PPP2R2B: variants seen among roughly 807,000 people sequenced by gnomAD.
The protein encoded by PPP2R2B is protein phosphatase 2 regulatory subunit Bbeta, also known as serine/threonine-protein phosphatase 2A 55 kDa regulatory subunit B beta isoform.
PPP2R2B carries 5 observed loss-of-function variants against 46.0 expected under a neutral mutation model. The observed-to-expected ratio is 0.11, with a 90% CI of 0.06 to 0.23. The LOEUF (loss-of-function observed/expected upper bound fraction) is 0.23. Among genes scored for constraint, PPP2R2B ranks in the 10% least tolerant of loss-of-function variants. The probability of loss-of-function intolerance (pLI) is 1.00; values close to 1 mark genes in which losing one functional copy is unlikely to be tolerated. For missense variants in PPP2R2B, 367 were observed against 575.0 expected, an observed-to-expected ratio of 0.64 and a Z score of 3.70; for synonymous variants, 215 against 206.7, an observed-to-expected ratio of 1.04 and a Z score of -0.34.
At chr5:146,911,511 G>A in intron 1 of PPP2R2B, among the ~76,000 whole-genome samples, 1 of 152,100 alleles carries the variant, frequency 6.6e-6, no homozygotes, top group Non-Finnish European at 1.5e-5. Flanking sequence ...GCTTTGGTTG[G>A]CAATTTATCC....
intron 2 of PPP2R2B, chr5:146,706,836 C>A: frequency 9.9e-7 from 1 of 1,008,160 alleles, no homozygotes; most frequent in Non-Finnish European, 1.6e-6. Context: ...TTGACCTCAG[C>A]GATGATGCTG....
intron 1 of PPP2R2B, among the ~76,000 whole-genome samples, chr5:146,884,734 G>C: frequency 6.6e-6 from 1 of 152,214 alleles, no homozygotes; most frequent in Admixed American, 6.5e-5. Flanking sequence ...GTGCAAGAAA[G>C]TTTTAGTTTA....
Position 146,696,107 on chromosome 5 carries a change from G to GTTT in PPP2R2B, c.334+1869_334+1871dup, listed in dbSNP as rs562284847. On this transcript the variant is annotated intron_variant, in intron 4 of 9. Transcript: ENST00000394411. ...AACAAAGTAGTTAATAAATCCTTGA[G>GTTT]TTTTTTTTTTTTTTGAGATGGAGTC... is the stretch of plus-strand genomic sequence containing the variant. Among the ~76,000 whole-genome samples the GTTT allele has an allele frequency of 3.9e-3, 558 of 144,208 alleles. 4 individuals are homozygous for GTTT. The highest frequency in any genetic ancestry group is 0.013 in the African/African-American group (524 of 39,616). The allele number at this position is 144,208 out of a possible 152,430, so 94.6% of individuals were successfully genotyped here.
chr5:146,632,069 C>CCCCG (rs1561788185), intron 7 of PPP2R2B, among the ~76,000 whole-genome samples: 3 of 131,094 alleles, frequency 2.3e-5, no homozygotes, highest in Admixed American at 1.6e-4. Context: ...GTGCCCCCCC[C>CCCCG]CCCGCCCATT....
At chr5:147,050,387 C>T (rs528285599) in intron 1 of PPP2R2B, among the ~76,000 whole-genome samples, 17 of 151,910 alleles carry the variant, frequency 1.1e-4, no homozygotes, top group Admixed American at 4.6e-4. Context: ...GTGCATTTGA[C>T]GTGGGCTGTG....
chr5:146,976,278 C>T (rs1016946325), intron 1 of PPP2R2B, among the ~76,000 whole-genome samples: 1 of 151,850 alleles, frequency 6.6e-6, no homozygotes, highest in South Asian at 2.1e-4. Context: ...GCTGGGACTA[C>T]AGGCATGCAC....
chr5:146,789,380 G>A (rs1446439171), intron 2 of PPP2R2B, among the ~76,000 whole-genome samples: 1 of 152,030 alleles, frequency 6.6e-6, no homozygotes, highest in Admixed American at 6.6e-5. Context: ...CGAGTAACAT[G>A]GTCAGTATTA....
At chr5:147,040,224 T>A (rs552041789) in intron 1 of PPP2R2B, among the ~76,000 whole-genome samples, 2 of 152,280 alleles carry the variant, frequency 1.3e-5, no homozygotes, top group East Asian at 3.9e-4. Context: ...CTGATAATGT[T>A]GTTTCAAATA....
At chr5:147,044,401 T>G (rs1187514456) in intron 1 of PPP2R2B, among the ~76,000 whole-genome samples, 1 of 152,130 alleles carries the variant, frequency 6.6e-6, no homozygotes, top group Non-Finnish European at 1.5e-5. Flanking sequence ...TTCAGAAGTC[T>G]TCTCTTGCAT....
chr5:146,746,178 G>C (rs1003419981), intron 2 of PPP2R2B, among the ~76,000 whole-genome samples: 1 of 152,162 alleles, frequency 6.6e-6, no homozygotes, highest in African/African-American at 2.4e-5. Flanking sequence ...GGGACCCAGA[G>C]AACGGCTTTC....
chr5:147,059,392 G>A (rs933661493), upstream of PPP2R2B, among the ~76,000 whole-genome samples: 2 of 152,176 alleles, frequency 1.3e-5, no homozygotes, highest in African/African-American at 2.4e-5. Flanking sequence ...TGAAGAGTTA[G>A]CAGTCATTAA....
At chr5:146,707,939 A>G (rs1302824570) in intron 2 of PPP2R2B, among the ~76,000 whole-genome samples, 2 of 152,148 alleles carry the variant, frequency 1.3e-5, no homozygotes, top group Non-Finnish European at 2.9e-5. Context: ...TATTTTCTAT[A>G]TTTTGCCATA....
intron 1 of PPP2R2B, among the ~76,000 whole-genome samples, chr5:146,971,714 A>G (rs1752668585): frequency 6.6e-6 from 1 of 152,228 alleles, no homozygotes; most frequent in African/African-American, 2.4e-5. Context: ...AATGTATGAA[A>G]TACTGTTTTC....
At position 146,603,539 on chromosome 5, in the gene PPP2R2B, C is replaced by T. The variant is rs141502968; in HGVS notation, c.791-3079G>A. On this transcript the variant is annotated intron_variant, in intron 7 of 9. Coordinates refer to ENST00000394411, the MANE Select transcript of PPP2R2B (RefSeq NM_181675.4). Reference sequence around the variant, plus strand: ...CTACCACCATTTATTTGTGGAGTGCCGGCTTTAGGTAGCACACAGAGGGCA... The same window carrying T: ...CTACCACCATTTATTTGTGGAGTGCTGGCTTTAGGTAGCACACAGAGGGCA... Among the ~76,000 whole-genome samples the T allele has an allele frequency of 7.2e-5, 11 of 152,226 alleles. No individual in the cohort carries two copies. In the East Asian group the frequency reaches 1.2e-3, roughly 16 times the overall value.
chr5:146,754,247 C>G (rs1370369375), intron 2 of PPP2R2B, among the ~76,000 whole-genome samples: 4 of 152,144 alleles, frequency 2.6e-5, no homozygotes, highest in African/African-American at 9.7e-5. Flanking sequence ...TAGAGAAATC[C>G]TGGCACATGT....
At chr5:146,951,373 A>G (rs901816169) in intron 1 of PPP2R2B, among the ~76,000 whole-genome samples, 6 of 151,404 alleles carry the variant, frequency 4.0e-5, no homozygotes, top group African/African-American at 1.5e-4. Flanking sequence ...ATTAAGTTCC[A>G]GTGTATATGT....
intron 7 of PPP2R2B, among the ~76,000 whole-genome samples, chr5:146,620,267 G>C (rs1327643448): frequency 6.6e-6 from 1 of 152,182 alleles, no homozygotes; most frequent in Non-Finnish European, 1.5e-5. Context: ...CTGAATTTGG[G>C]CTAATATGTA....
chr5:146,967,775 T>C (rs1389190562), intron 1 of PPP2R2B, among the ~76,000 whole-genome samples: 2 of 152,134 alleles, frequency 1.3e-5, no homozygotes, highest in African/African-American at 2.4e-5. Flanking sequence ...CGGTTTGCAG[T>C]CCCAGCCTAC....
At chr5:146,795,924 A>ATCATTTTTATCTATGC (rs1756502470) in intron 2 of PPP2R2B, among the ~76,000 whole-genome samples, 1 of 152,192 alleles carries the variant, frequency 6.6e-6, no homozygotes, top group Non-Finnish European at 1.5e-5. Flanking sequence ...ATTAGTGACT[A>ATCATTTTTATCTATGC]TCATTTTTAT....
Sources: gnomAD v4.1 joint callset for allele counts (sites outside exome capture counted in the v4.1 genomes callset) on GRCh38, gnomAD v4.1.1 for gene constraint, MANE v1.5 for transcripts, NCBI Gene and HGNC (gene_info 2026-07-23, HGNC 2026-07-21) for gene names.